The following DGKB variants were observed in gnomAD, a reference collection of about 807,000 sequenced individuals.
DGKB encodes 90 kDa diacylglycerol kinase.
In DGKB, 67 loss-of-function variants were observed where a neutral mutation model predicts 114.3. That is an observed-to-expected ratio of 0.59 (90% confidence interval 0.48 to 0.72). The LOEUF (loss-of-function observed/expected upper bound fraction) is 0.72, where lower values mean the gene tolerates loss of function less well. Among genes scored for constraint, DGKB ranks in the 30% least tolerant of loss-of-function variants. DGKB has a pLI of 0.00. For missense variants in DGKB, 907 were observed against 975.2 expected, an observed-to-expected ratio of 0.93 and a Z score of 0.93; for synonymous variants, 398 against 323.1, an observed-to-expected ratio of 1.23 and a Z score of -2.49.
chr7:14,152,229 T>G (rs1458724746), intron 25 of DGKB, among the ~76,000 whole-genome samples: 1 of 152,108 alleles, frequency 6.6e-6, no homozygotes, highest in Non-Finnish European at 1.5e-5. Context: ...CAAATGGCCT[T>G]TGAGTGCCTC....
intron 1 of DGKB, among the ~76,000 whole-genome samples, chr7:14,854,392 T>C (rs1562726249): frequency 1.3e-5 from 2 of 152,176 alleles, no homozygotes; most frequent in Admixed American, 6.5e-5. Context: ...TCCCCAACCT[T>C]TTTGGCACCA....
intron 1 of DGKB, among the ~76,000 whole-genome samples, chr7:14,919,377 T>C (rs7798452): frequency 0.15 from 22,189 of 151,922 alleles, 1,660 homozygotes; most frequent in Admixed American, 0.2. Context: ...GGAGAAAAAA[T>C]AGTCTTTTCA....
At chr7:14,626,152 T>G (rs1053084879) in intron 14 of DGKB, among the ~76,000 whole-genome samples, 3 of 152,218 alleles carry the variant, frequency 2.0e-5, no homozygotes, top group Admixed American at 1.3e-4. Flanking sequence ...ATTTGTACAC[T>G]GGTGAAAACT....
intron 23 of DGKB, among the ~76,000 whole-genome samples, chr7:14,329,426 G>T (rs1381645455): frequency 6.6e-6 from 1 of 151,810 alleles, no homozygotes; most frequent in Non-Finnish European, 1.5e-5. Context: ...TTCACGAAAT[G>T]GTACAATTGA....
intron 1 of DGKB, among the ~76,000 whole-genome samples, chr7:14,889,015 A>T (rs992351847): frequency 4.6e-5 from 7 of 151,576 alleles, no homozygotes; most frequent in Non-Finnish European, 8.9e-5. Context: ...TTACATTATT[A>T]AAAAAGCAGC....
chr7:14,478,307 A>G lies in DGKB; in HGVS notation c.1771-82T>C, dbSNP rs555674047. 95 of 835,876 alleles carry G rather than the reference A, an allele frequency of 1.1e-4. No individual in the cohort carries two copies. The African/African-American group carries it at 1.5e-3, about 13-fold the overall frequency. The allele number at this position is 835,876 out of a possible 1,614,324, so 51.8% of individuals were successfully genotyped here. ...GAAAATGTAGACTAAATAAAAAAAT[A>G]ACATTTCAAAATGAACTTTTATTTA... On this transcript the variant is annotated intron_variant, in intron 20 of 25. Transcript: ENST00000402815.
At chr7:14,809,629 AG>A (rs1265378698) in intron 2 of DGKB, among the ~76,000 whole-genome samples, 1 of 151,994 alleles carries the variant, frequency 6.6e-6, no homozygotes, top group African/African-American at 2.4e-5. Context: ...TTTTTGCCAA[AG>A]TATTTTTCTT....
intron 13 of DGKB, among the ~76,000 whole-genome samples, chr7:14,631,850 A>G (rs755219481): frequency 3.3e-5 from 5 of 151,974 alleles, no homozygotes; most frequent in Non-Finnish European, 5.9e-5. Context: ...AATATATACA[A>G]GTTTGTTCTT....
At chr7:14,892,749 C>T (rs191428227) in intron 1 of DGKB, among the ~76,000 whole-genome samples, 2 of 151,052 alleles carry the variant, frequency 1.3e-5, no homozygotes, top group African/African-American at 4.8e-5. Flanking sequence ...ATATCCCTAA[C>T]TTATGACTAT....
At chr7:14,407,708 C>T (rs12540554) in intron 21 of DGKB, among the ~76,000 whole-genome samples, 114,215 of 151,964 alleles carry the variant, frequency 0.75, 43,514 homozygotes, top group Middle Eastern at 0.83. Context: ...TAAAATCATA[C>T]GGCAAAATCT....
chr7:14,766,877 T>C (rs2128463697), intron 2 of DGKB, among the ~76,000 whole-genome samples: 1 of 151,932 alleles, frequency 6.6e-6, no homozygotes, highest in East Asian at 1.9e-4. Context: ...AAGTGTCATG[T>C]AATATCAAGT....
At chr7:14,660,186 A>C (rs1563826036) in intron 13 of DGKB, among the ~76,000 whole-genome samples, 1 of 151,930 alleles carries the variant, frequency 6.6e-6, no homozygotes, top group South Asian at 2.1e-4. Flanking sequence ...ATATTGGTCT[A>C]AAATTCTCTT....
At chr7:14,169,303 TGCAGTGAGCCGAGATG>T (rs1780477391) in intron 25 of DGKB, among the ~76,000 whole-genome samples, 1 of 146,416 alleles carries the variant, frequency 6.8e-6, no homozygotes, top group African/African-American at 2.5e-5. Context: ...AGGTGGAGAT[TGCAGTGAGCCGAGATG>T]GCACCATTGC....
At chr7:14,393,407 A>G (rs1299244923) in intron 21 of DGKB, among the ~76,000 whole-genome samples, 2 of 152,112 alleles carry the variant, frequency 1.3e-5, no homozygotes, top group Non-Finnish European at 1.5e-5. Context: ...CATCTTTCTC[A>G]TTAGTATACC....
At chr7:14,544,820 A>T (rs556470258) in intron 20 of DGKB, among the ~76,000 whole-genome samples, 1 of 152,012 alleles carries the variant, frequency 6.6e-6, no homozygotes, top group African/African-American at 2.4e-5. Flanking sequence ...TCTTTTATAG[A>T]TCTCCATCTT....
intron 20 of DGKB, 35 bp downstream of exon 20, chr7:14,574,177 C>T (rs760225326): frequency 2.5e-6 from 4 of 1,574,416 alleles, no homozygotes; most frequent in East Asian, 2.2e-5. Flanking sequence ...TTATACAGTA[C>T]AGGTACAAAG....
chr7:14,310,662 T>C (rs556433649), intron 23 of DGKB, among the ~76,000 whole-genome samples: 1 of 152,324 alleles, frequency 6.6e-6, no homozygotes, highest in East Asian at 1.9e-4. Context: ...TAATTGAAGA[T>C]GACTGATAAA....
At chr7:14,922,581 A>T (rs1784562483) in intron 1 of DGKB, among the ~76,000 whole-genome samples, 1 of 152,090 alleles carries the variant, frequency 6.6e-6, no homozygotes, top group Admixed American at 6.6e-5. Context: ...AGGGTTTAGA[A>T]GACAGGAGGC....
intron 5 of DGKB, among the ~76,000 whole-genome samples, chr7:14,726,175 T>C (rs1220619093): frequency 6.6e-6 from 1 of 152,160 alleles, no homozygotes; most frequent in Non-Finnish European, 1.5e-5. Flanking sequence ...AGTCTCACTC[T>C]GTCGCCCAGA....
Sources: gnomAD v4.1 joint callset for allele counts (sites outside exome capture counted in the v4.1 genomes callset) on GRCh38, gnomAD v4.1.1 for gene constraint, MANE v1.5 for transcripts, NCBI Gene and HGNC (gene_info 2026-07-23, HGNC 2026-07-21) for gene names.